Variants in DOP1B observed in about 807,000 individuals in gnomAD.
The protein encoded by DOP1B is protein DOP1B.
Under a neutral mutation model 233.5 loss-of-function variants are expected in DOP1B, and 174 were observed. The observed-to-expected ratio is 0.75, with a 90% confidence interval of 0.66 to 0.85. The LOEUF is 0.85. DOP1B is among the 40% of genes least tolerant of loss of function. DOP1B has a pLI of 0.00. For missense variants in DOP1B, 2,652 were observed against 2,846.6 expected (o/e 0.93, Z 1.56); for synonymous variants, 1,190 against 1,185.6 (o/e 1.00, Z -0.08).
At chr21:36,276,840 CAAAAA>C (rs57389991) in intron 27 of DOP1B, among the ~76,000 whole-genome samples, 176 bp from the exon 28 acceptor site, 12 of 106,244 alleles carry the variant, frequency 1.1e-4, no homozygotes, top group South Asian at 3.1e-4. Context: ...GACTCCATCT[CAAAAA>C]AAAAAAAAAA....
chr21:36,216,418 C>G (rs937641347), intron 9 of DOP1B, among the ~76,000 whole-genome samples: 11 of 151,920 alleles, frequency 7.2e-5, no homozygotes, highest in Admixed American at 6.6e-4. Context: ...CAAGACCAGC[C>G]TGGCCAACAT....
At chr21:36,214,645 G>T in intron 9 of DOP1B, 89 bp downstream of exon 9, 1 of 1,109,730 alleles carries the variant, frequency 9.0e-7, no homozygotes, top group Non-Finnish European at 1.3e-6. Flanking sequence ...CAACCAAAGC[G>T]TTATTTTGAA....
chr21:36,238,177 TAAATA>T (rs961386127), intron 16 of DOP1B, among the ~76,000 whole-genome samples: 4 of 152,148 alleles, frequency 2.6e-5, no homozygotes, highest in African/African-American at 9.7e-5. Context: ...AAAAAATAAA[TAAATA>T]AAAATAATAA....
At chr21:36,191,997 T>C (rs2066239514) in intron 2 of DOP1B, among the ~76,000 whole-genome samples, 1 of 152,046 alleles carries the variant, frequency 6.6e-6, no homozygotes, top group South Asian at 2.1e-4. Flanking sequence ...CTTTTCATCC[T>C]CCCAAACAGA....
chr21:36,185,452 A>G (rs1054723038), intron 2 of DOP1B, among the ~76,000 whole-genome samples: 3 of 152,112 alleles, frequency 2.0e-5, no homozygotes, highest in African/African-American at 7.2e-5. Context: ...AGCCCCTATT[A>G]TATGCTTGCC....
chr21:36,258,038 TGTAGGTAGGTAGATAGATGTAG>T (rs1186013294), intron 23 of DOP1B, among the ~76,000 whole-genome samples: 111 of 147,416 alleles, frequency 7.5e-4, no homozygotes, highest in African/African-American at 2.7e-3. Flanking sequence ...TGTAGTTAGA[TGTAGGTAGGTAGATAGATGTAG>T]GTAGGTAGGT....
chr21:36,244,998 T>C (rs914725663), intron 18 of DOP1B, 50 bp from the exon 19 acceptor site: 1 of 1,530,276 alleles, frequency 6.5e-7, no homozygotes, highest in African/African-American at 1.4e-5. Flanking sequence ...AGCTAATGTA[T>C]CATAGCTGAC....
chr21:36,183,657 C>T (rs941807150), intron 2 of DOP1B, among the ~76,000 whole-genome samples: 12 of 152,238 alleles, frequency 7.9e-5, no homozygotes, highest in African/African-American at 2.7e-4. Flanking sequence ...ATTCCAACTA[C>T]GGAACCTTTG....
chr21:36,238,811 GAA>G, intron 17 of DOP1B, 110 bp downstream of exon 17: 1 of 1,028,370 alleles, frequency 9.7e-7, no homozygotes, highest in South Asian at 1.4e-5. Flanking sequence ...TTGAAAACAT[GAA>G]CCCATATGAC....
Position 36,253,923 on chromosome 21 carries a change from G to T in DOP1B, c.5259+14G>T. The T allele has an allele frequency of 6.2e-7, 1 of 1,611,588 alleles. No homozygotes were observed. The highest frequency in any genetic ancestry group is 8.5e-7 in the Non-Finnish European group (1 of 1,178,714). On this transcript the variant is annotated intron_variant, in intron 23 of 36. Transcript: ENST00000691173. ...GGGGGTGATGAGGTGAGGAGCCTGG[G>T]GAAGCCTCTGGGCTTCTGCAGATTA...
At chr21:36,199,616 G>A (rs777491175) in intron 3 of DOP1B, among the ~76,000 whole-genome samples, 1 of 151,968 alleles carries the variant, frequency 6.6e-6, no homozygotes, top group Non-Finnish European at 1.5e-5. Context: ...GCCCCAGTGT[G>A]TGATGTTCCC....
chr21:36,233,116 C>T (rs771876729), intron 15 of DOP1B, 41 bp downstream of exon 15: 4 of 1,593,802 alleles, frequency 2.5e-6, no homozygotes, highest in African/African-American at 2.7e-5. Context: ...GCCTCCTTCT[C>T]CCCCTGAGCA....
intron 21 of DOP1B, among the ~76,000 whole-genome samples, chr21:36,250,396 G>C (rs894554684): frequency 6.6e-6 from 1 of 152,208 alleles, no homozygotes; most frequent in Non-Finnish European, 1.5e-5. Flanking sequence ...ACATTAACTG[G>C]CAGTGTAATA....
chr21:36,194,485 C>CTT (rs1432687395), intron 2 of DOP1B, among the ~76,000 whole-genome samples: 16,826 of 123,764 alleles, frequency 0.14, 1,545 homozygotes, highest in Non-Finnish European at 0.19. Context: ...CTCTCTCTCT[C>CTT]TCTTTTTTTT....
chr21:36,169,847 C>T (rs1274344063), intron 2 of DOP1B: 12 of 896,192 alleles, frequency 1.3e-5, no homozygotes, highest in African/African-American at 6.5e-5. Flanking sequence ...TTGCACTCAT[C>T]GTTGATGTGC....
intron 20 of DOP1B, among the ~76,000 whole-genome samples, chr21:36,247,837 A>G (rs1335929284): frequency 2.0e-5 from 3 of 152,278 alleles, no homozygotes; most frequent in Admixed American, 6.5e-5. Flanking sequence ...GCCTACGCAA[A>G]TGCATATGCA....
At position 36,293,564 on chromosome 21, in the gene DOP1B, A is replaced by G. The variant is rs1287858810; in HGVS notation, c.6890A>G (p.Glu2297Gly). 6.2e-7 allele frequency: 1 copy of G among 1,614,112 alleles called. No individual in the cohort carries two copies. The highest frequency in any genetic ancestry group is 8.5e-7 in the Non-Finnish European group (1 of 1,179,964). Residue 2297 changes from glutamate to glycine, a missense_variant, in exon 37 of 37, where the codon GAA (glutamate) becomes GGA (glycine). Glu to Gly is a moderately conservative substitution (Grantham distance 98, BLOSUM62 -2). Coordinates refer to ENST00000691173, the MANE Select transcript of DOP1B (RefSeq NM_001320714.2). Reference sequence around the variant, plus strand: ...GAATATGATTTTCTGGAACATCCAGAATGTTAACCATGTGAGAGAGAATAT... The same window carrying G: ...GAATATGATTTTCTGGAACATCCAGGATGTTAACCATGTGAGAGAGAATAT... ...CIEYDFLEHP[E>G]C
chr21:36,188,092 A>G (rs2066186108), intron 2 of DOP1B, among the ~76,000 whole-genome samples: 1 of 152,200 alleles, frequency 6.6e-6, no homozygotes, highest in Admixed American at 6.5e-5. Context: ...CCTTGCTAGC[A>G]GCTTTATTGG....
chr21:36,275,550 C>T (rs1237113769), intron 27 of DOP1B, among the ~76,000 whole-genome samples: 4 of 149,694 alleles, frequency 2.7e-5, no homozygotes, highest in African/African-American at 7.4e-5. Context: ...GTCCAGGAGG[C>T]GGAGGCTGCA....
Sources: allele counts gnomAD v4.1 joint callset (sites outside exome capture counted in the v4.1 genomes callset), GRCh38; gene constraint gnomAD v4.1.1; transcripts MANE v1.5; gene names NCBI Gene and HGNC (gene_info 2026-07-23, HGNC 2026-07-21).